TENM4: variants seen among roughly 807,000 people sequenced by gnomAD.
The protein encoded by TENM4 is teneurin transmembrane protein 4, also known as teneurin-4.
Under a neutral mutation model 243.3 loss-of-function variants are expected in TENM4, and 82 were observed. That is an observed-to-expected ratio of 0.34 (90% CI 0.28 to 0.40). The LOEUF (loss-of-function observed/expected upper bound fraction) is 0.40. Ranked by LOEUF, TENM4 falls within the 10% of genes least tolerant of loss-of-function variation. The probability of loss-of-function intolerance (pLI) is 1.00; values close to 1 mark genes in which losing one functional copy is unlikely to be tolerated. For missense variants in TENM4, 3,138 were observed against 3,673.3 expected (o/e 0.85, Z 3.77); for synonymous variants, 1,412 against 1,456.3 (o/e 0.97, Z 0.69).
At chr11:78,899,320 C>T (rs113858712) in intron 7 of TENM4, among the ~76,000 whole-genome samples, 424 of 152,058 alleles carry the variant, frequency 2.8e-3, no homozygotes, top group African/African-American at 9.1e-3. Context: ...CAGCTGGGCA[C>T]GGTAACTCAC....
At chr11:79,251,331 G>A (rs1855608654) in intron 2 of TENM4, among the ~76,000 whole-genome samples, 1 of 152,162 alleles carries the variant, frequency 6.6e-6, no homozygotes, top group African/African-American at 2.4e-5. Context: ...GCTTTGGACA[G>A]AAAAATAAAT....
intron 2 of TENM4, among the ~76,000 whole-genome samples, chr11:79,286,692 T>C (rs539931742): frequency 6.6e-6 from 1 of 152,054 alleles, no homozygotes; most frequent in South Asian, 2.1e-4. Context: ...TTTTTTTAAA[T>C]AGAAGTGGAA....
intron 4 of TENM4, among the ~76,000 whole-genome samples, chr11:79,099,103 C>T (rs1374266064): frequency 6.6e-6 from 1 of 152,162 alleles, no homozygotes; most frequent in Non-Finnish European, 1.5e-5. Flanking sequence ...CAGAGATGTT[C>T]CTGCCACAAG....
intron 2 of TENM4, among the ~76,000 whole-genome samples, chr11:79,235,536 T>C (rs557002577): frequency 6.6e-6 from 1 of 152,258 alleles, no homozygotes; most frequent in East Asian, 1.9e-4. Flanking sequence ...TTAGCATTGT[T>C]GGCAAGACTG....
At chr11:79,320,103 C>A (rs1245639365) in intron 1 of TENM4, among the ~76,000 whole-genome samples, 1 of 152,192 alleles carries the variant, frequency 6.6e-6, no homozygotes, top group Non-Finnish European at 1.5e-5. Flanking sequence ...AGGCACAGTT[C>A]ATGGGTTCCC....
At chr11:79,036,296 T>C (rs1309467706) in intron 6 of TENM4, among the ~76,000 whole-genome samples, 1 of 152,234 alleles carries the variant, frequency 6.6e-6, no homozygotes, top group Non-Finnish European at 1.5e-5. Flanking sequence ...CGATGAGTGT[T>C]GTTCCTGTGT....
At chr11:79,014,147 G>A (rs972589807) in intron 6 of TENM4, among the ~76,000 whole-genome samples, 1 of 152,202 alleles carries the variant, frequency 6.6e-6, no homozygotes, top group African/African-American at 2.4e-5. Context: ...AACAAAAGAA[G>A]TGAGTGAGCC....
chr11:79,319,403 C>G (rs1213742066), intron 1 of TENM4, among the ~76,000 whole-genome samples: 4 of 152,114 alleles, frequency 2.6e-5, no homozygotes, highest in Admixed American at 2.6e-4. Context: ...AAATTGAACT[C>G]AGAGCACATA....
chr11:78,974,743 CAG>C (rs1160116003), intron 6 of TENM4, among the ~76,000 whole-genome samples: 56 of 140,344 alleles, frequency 4.0e-4, no homozygotes, highest in African/African-American at 1.5e-3. Context: ...TTTTTTGAGA[CAG>C]AGTCCCAGAC....
At chr11:78,784,716 A>C (rs1403023822) in intron 16 of TENM4, among the ~76,000 whole-genome samples, 1 of 152,220 alleles carries the variant, frequency 6.6e-6, no homozygotes, top group Non-Finnish European at 1.5e-5. Context: ...CCAAGGTGGA[A>C]TCTGTTCTAG....
intron 2 of TENM4, among the ~76,000 whole-genome samples, chr11:79,281,430 A>G (rs1590848432): frequency 6.6e-6 from 1 of 152,276 alleles, no homozygotes; most frequent in Non-Finnish European, 1.5e-5. Context: ...GATTGTTGAA[A>G]GTTTTTGGAG....
chr11:78,715,420 T>C (rs1366243682), intron 25 of TENM4, among the ~76,000 whole-genome samples: 1 of 152,212 alleles, frequency 6.6e-6, no homozygotes, highest in African/African-American at 2.4e-5. Flanking sequence ...GAGGGGGCCC[T>C]GTCCACTTAG....
chr11:78,894,998 A>G (rs1315580563), intron 7 of TENM4, among the ~76,000 whole-genome samples: 2 of 145,286 alleles, frequency 1.4e-5, no homozygotes, highest in African/African-American at 4.9e-5. Context: ...AAAAAAAAAA[A>G]AAAAAAAAAG....
At chr11:79,369,038 T>C (rs1857730478) in intron 1 of TENM4, among the ~76,000 whole-genome samples, 1 of 152,234 alleles carries the variant, frequency 6.6e-6, no homozygotes, top group South Asian at 2.1e-4. Context: ...TGTCTGCTTT[T>C]ATTTCTTTGC....
chr11:79,314,107 T>C (rs948700050), intron 1 of TENM4, among the ~76,000 whole-genome samples: 1 of 152,110 alleles, frequency 6.6e-6, no homozygotes, highest in African/African-American at 2.4e-5. Context: ...AAGGCCTGGG[T>C]TCAAATCCAG....
Position 79,007,372 on chromosome 11 carries a change from T to G in TENM4, c.493+57366A>C, listed in dbSNP as rs1858513797. Among the ~76,000 whole-genome samples, 4 of 151,874 alleles carry G rather than the reference T, an allele frequency of 2.6e-5. No individual in the cohort carries two copies. In the South Asian group the frequency reaches 8.3e-4, roughly 32 times the overall value. On this transcript the variant is annotated intron_variant, in intron 6 of 33. Transcript: ENST00000278550. The stretch of plus-strand genomic sequence containing the variant: ...ACTCTCCGAATGAGAAAACCAGAGC[T>G]GAGAGAGAGACTATGTGAGTGATTT...
chr11:78,773,316 C>T (rs192578040), intron 17 of TENM4, among the ~76,000 whole-genome samples: 8 of 152,278 alleles, frequency 5.3e-5, no homozygotes, highest in Non-Finnish European at 1.2e-4. Context: ...ATGACTCAGG[C>T]ATGTTATTGA....
chr11:79,097,128 A>G (rs1861103036), intron 4 of TENM4: 1 of 152,220 alleles, frequency 6.6e-6, no homozygotes, highest in African/African-American at 2.4e-5. Flanking sequence ...ATGAGGACAC[A>G]GAGGTGGGCT....
At position 78,890,698 on chromosome 11, in the gene TENM4, C is replaced by A. The variant is rs183157601; in HGVS notation, c.848+540G>T. On this transcript the variant is annotated intron_variant, in intron 8 of 33. Coordinates refer to ENST00000278550, the MANE Select transcript of TENM4 (RefSeq NM_001098816.3). ...AAAGCTGTGTCGGGGGACAGACAGG[C>A]AACTGCACCCTACAGCCTAGTCATG... Among the ~76,000 whole-genome samples, 254 of 152,316 alleles carry A rather than the reference C, an allele frequency of 1.7e-3. 1 individual carries two copies. The highest frequency in any genetic ancestry group is 3.7e-3 in the Admixed American group (57 of 15,306).
Sources: allele counts gnomAD v4.1 joint callset (sites outside exome capture counted in the v4.1 genomes callset), GRCh38; gene constraint gnomAD v4.1.1; transcripts MANE v1.5; gene names NCBI Gene and HGNC (gene_info 2026-07-23, HGNC 2026-07-21).